Variants in TBX1 observed in about 807,000 individuals in gnomAD.
The protein encoded by TBX1 is T-box transcription factor 1.
Under a neutral mutation model 40.8 loss-of-function variants are expected in TBX1, and 16 were observed. That is an observed-to-expected ratio of 0.39 (90% CI 0.27 to 0.60). The LOEUF (loss-of-function observed/expected upper bound fraction) is 0.60. Among genes scored for constraint, TBX1 ranks in the 20% least tolerant of loss-of-function variants. The pLI, the probability that TBX1 is intolerant of heterozygous loss-of-function variation, is 0.51. For synonymous variants in TBX1, 403 were observed against 336.8 expected, an observed-to-expected ratio of 1.20 and a Z score of -2.15; for missense variants, 755 against 728.5, an observed-to-expected ratio of 1.04 and a Z score of -0.42.
chr22:19,780,783 T>TTG (rs1442771140), downstream of TBX1, among the ~76,000 whole-genome samples: 1 of 144,588 alleles, frequency 6.9e-6, no homozygotes, highest in African/African-American at 2.6e-5. Flanking sequence ...TCTGTTTTTT[T>TTG]TTTTGTTTTT....
At chr22:19,781,707 G>T (rs1034326313), downstream of TBX1, among the ~76,000 whole-genome samples, 10 of 152,236 alleles carry the variant, frequency 6.6e-5, no homozygotes, top group Middle Eastern at 0.014. Flanking sequence ...GCTCTATTTT[G>T]AGTTTATAGG....
At chr22:19,774,692 T>A (rs1184397376) in intron 8 of TBX1, among the ~76,000 whole-genome samples, 1 of 152,186 alleles carries the variant, frequency 6.6e-6, no homozygotes. Context: ...CTGAGGTCCT[T>A]ATGCTCCGTG....
chr22:19,770,003 G>A (rs1257761320), downstream of TBX1, among the ~76,000 whole-genome samples: 1 of 152,220 alleles, frequency 6.6e-6, no homozygotes, highest in Non-Finnish European at 1.5e-5. Context: ...TCTGTAAGCT[G>A]CTGTGATGGG....
chr22:19,759,739 G>A (rs930457282), upstream of TBX1: 1 of 1,590,326 alleles, frequency 6.3e-7, no homozygotes, highest in African/African-American at 1.3e-5. Context: ...CAGCTGCTGT[G>A]GGGCCCGGGT....
chr22:19,765,956 G>T lies in TBX1; in HGVS notation c.990G>T (p.Ser330=). ...CGCTCATGAGCGCCTTCGCGCGCTC[G>T]CGGAACCCCGTGGCTTCCCCGACGC... ...ALPLMSAFAR[S]RNPVASPTQP... Residue 330 remains serine, a synonymous_variant, in exon 6 of 7, where the codon TCG becomes TCT. Transcript: ENST00000649276. 1 of 1,520,838 alleles carries T rather than the reference G, an allele frequency of 6.6e-7. No individual in the cohort carries two copies. The allele number at this position is 1,520,838 out of a possible 1,614,324, so 94.2% of individuals were successfully genotyped here. A position where few individuals can be genotyped will look rare whatever the true frequency, so the allele number is the denominator to read the frequency against.
rs764852265 is a variant in TBX1 at position 19,766,576 on chromosome 22, G to C, written c.1224G>C (p.Glu408Asp). ...GCCGGCCCAGTCCCCCGAACCCCGA[G>C]CTGCGCCTGGAGGCGCCCGGCGCAT... Reference protein sequence around the residue: ...PGGRPSPPNPELRLEAPGASE... With the variant: ...PGGRPSPPNPDLRLEAPGASE... The change falls in exon 7 of 7, where the codon GAG (glutamate) becomes GAC (aspartate). Residue 408 changes from glutamate to aspartate, a missense_variant. Glu to Asp is a conservative substitution (Grantham distance 45). This residue lies in a region of TBX1 where 412 missense variants were observed against 317.6 expected (regional missense o/e 1.30). Transcript: ENST00000649276. The C allele has an allele frequency of 6.9e-7, 1 of 1,458,794 alleles. No homozygotes were observed. The highest frequency in any genetic ancestry group is 3.1e-5 in the East Asian group (1 of 32,624). The allele number at this position is 1,458,794 out of a possible 1,614,324, so 90.4% of individuals were successfully genotyped here.
At chr22:19,779,252 G>C (rs760872844) in exon 9 of TBX1, 3 of 1,614,246 alleles carry the variant, frequency 1.9e-6, no homozygotes, top group Non-Finnish European at 2.5e-6. Flanking sequence ...GGAAGTGAAA[G>C]CTGAGACGTC....
At chr22:19,760,775 G>T, upstream of TBX1, 2 of 409,254 alleles carry the variant, frequency 4.9e-6, no homozygotes, top group Non-Finnish European at 6.4e-6. Flanking sequence ...CGCGGCGCCC[G>T]CCACTCGGCC....
chr22:19,779,745 G>T (rs2145852194), downstream of TBX1, among the ~76,000 whole-genome samples: 1 of 152,346 alleles, frequency 6.6e-6, no homozygotes, highest in East Asian at 1.9e-4. Flanking sequence ...ACACTATGAG[G>T]ATGATTCCCT....
chr22:19,769,335 C>T (rs1483805272), downstream of TBX1, among the ~76,000 whole-genome samples: 2 of 152,228 alleles, frequency 1.3e-5, no homozygotes. Flanking sequence ...CCGTGGCTCA[C>T]AGGCCGCGGG....
At chr22:19,770,692 C>A (rs1050479204), downstream of TBX1, among the ~76,000 whole-genome samples, 1 of 152,182 alleles carries the variant, frequency 6.6e-6, no homozygotes, top group Non-Finnish European at 1.5e-5. Flanking sequence ...GGGATCCATG[C>A]GATGACAGTT....
chr22:19,769,600 C>T (rs1416545922), downstream of TBX1, among the ~76,000 whole-genome samples: 3 of 152,216 alleles, frequency 2.0e-5, no homozygotes. Flanking sequence ...CTGCCCGCTG[C>T]GGGGGCTGTC....
In TBX1 at chr22:19,766,386, C is replaced by T; in HGVS notation, c.1037-3C>T. The T allele has an allele frequency of 7.5e-7, 1 of 1,330,384 alleles. No individual in the cohort carries two copies. The highest frequency in any genetic ancestry group is 9.6e-7 in the Non-Finnish European group (1 of 1,040,198). 82.4% of individuals were successfully genotyped at this position (1,330,384 alleles called of 1,614,324 possible). ...CGCGCTCACTCCTCGGCCCTCTCCG[C>T]AGACGCGGCTGAGGCCCGGCGAGAA... On this transcript the variant is annotated splice_polypyrimidine_tract_variant and splice_region_variant and intron_variant, in intron 6 of 6. Coordinates refer to ENST00000649276, the MANE Select transcript of TBX1 (RefSeq NM_001379200.1).
At position 19,767,264 on chromosome 22, in the gene TBX1, A is replaced by ATGTAGATAC. The variant is rs910517172; in HGVS notation, c.*416_*424dup. ...CCCCGCCTGCAGGCGGTGTAGATAC[A>ATGTAGATAC]TGTAGATACTGTAGATACTGTAGAT... On this transcript the variant is annotated 3_prime_UTR_variant, in exon 7 of 7. Coordinates refer to ENST00000649276, the MANE Select transcript of TBX1 (RefSeq NM_001379200.1). 1.8e-5 allele frequency: 18 copies of ATGTAGATAC among 1,025,922 alleles called. No individual in the cohort carries two copies. Among genetic ancestry groups the ATGTAGATAC allele is most frequent in the African/African-American group, 5.2e-5 (3 of 58,198 alleles). The allele number at this position is 1,025,922 out of a possible 1,614,324, so 63.6% of individuals were successfully genotyped here. A position where few individuals can be genotyped will look rare whatever the true frequency, so the allele number is the denominator to read the frequency against.
At chr22:19,774,118 A>G (rs1481110110) in intron 8 of TBX1, among the ~76,000 whole-genome samples, 2 of 152,212 alleles carry the variant, frequency 1.3e-5, no homozygotes, top group Non-Finnish European at 2.9e-5. Context: ...TGGTGAGGAC[A>G]TGGAGCCCCT....
intron 8 of TBX1, among the ~76,000 whole-genome samples, chr22:19,773,774 C>G (rs1937025165): frequency 6.6e-6 from 1 of 152,240 alleles, no homozygotes; most frequent in South Asian, 2.1e-4. Flanking sequence ...GGGGAGTGGT[C>G]TCAGGGTGGG....
Position 19,766,489 on chromosome 22 carries a change from C to A in TBX1, c.1137C>A (p.Ser379Arg). Residue 379 changes from serine (S) to arginine (R), a missense_variant, in exon 7 of 7, where the codon AGC becomes AGA. By Grantham distance (110) the Ser-to-Arg change is moderately radical. Coordinates refer to ENST00000649276, the MANE Select transcript of TBX1 (RefSeq NM_001379200.1). ...CGCAGCTGCTGGCCCGGGTGCTAAG[C>A]CCCTCGCTGCCCGGGGCCGGCGGCG... is the stretch of plus-strand genomic sequence containing the variant. The part of the protein sequence containing the change: ...HPPQLLARVL[S>R]PSLPGAGGAG... 1 of 1,311,476 alleles carries A rather than the reference C, an allele frequency of 7.6e-7. No individual in the cohort carries two copies. The highest frequency in any genetic ancestry group is 9.7e-7 in the Non-Finnish European group (1 of 1,027,388). The allele number at this position is 1,311,476 out of a possible 1,614,324, so 81.2% of individuals were successfully genotyped here.
upstream of TBX1, among the ~76,000 whole-genome samples, chr22:19,760,616 G>C (rs1395941476): frequency 8.6e-6 from 1 of 116,920 alleles, no homozygotes; most frequent in Admixed American, 7.9e-5. Flanking sequence ...GCCGGGGAGG[G>C]GGAAGGGGCG....
At position 19,774,896 on chromosome 22, in the gene TBX1, G is replaced by A. The variant is rs556402338; in HGVS notation, c.1010-4324G>A. Among the ~76,000 whole-genome samples the A allele has an allele frequency of 9.5e-5, 10 of 105,080 alleles. No individual in the cohort carries two copies. In the South Asian group the frequency reaches 1.8e-3, roughly 19 times the overall value. 68.9% of individuals were successfully genotyped at this position (105,080 alleles called of 152,430 possible). ...CATCTGGAGGTGGACGCACAGCATC[G>A]GGAATACACAATGCCACTGAATTGT... On this transcript the variant is annotated intron_variant, in intron 8 of 8. Transcript: ENST00000329705.
Sources: allele counts gnomAD v4.1 joint callset (sites outside exome capture counted in the v4.1 genomes callset), GRCh38; gene constraint gnomAD v4.1.1; regional missense constraint gnomAD v4.1.1; transcripts MANE v1.5; gene names NCBI Gene and HGNC (gene_info 2026-07-23, HGNC 2026-07-21).